The following TSC22D1 variants were observed in gnomAD, a reference collection of about 807,000 sequenced individuals.
TSC22D1 encodes TSC22 domain family protein 1.
Under a neutral mutation model 74.2 loss-of-function variants are expected in TSC22D1, and 9 were observed. That is an observed-to-expected ratio of 0.12 (90% CI 0.07 to 0.21). The LOEUF (loss-of-function observed/expected upper bound fraction) is 0.21. Ranked by LOEUF, TSC22D1 falls within the 10% of genes least tolerant of loss-of-function variation. The pLI, the probability that TSC22D1 is intolerant of heterozygous loss-of-function variation, is 1.00. For missense variants in TSC22D1, 1,427 were observed against 1,304.7 expected (o/e 1.09, Z -1.44); for synonymous variants, 586 against 492.5 (o/e 1.19, Z -2.51).
intron 1 of TSC22D1, among the ~76,000 whole-genome samples, chr13:44,438,695 A>C (rs956646628): frequency 6.6e-6 from 1 of 150,868 alleles, no homozygotes; most frequent in Non-Finnish European, 1.5e-5. Flanking sequence ...ATGATGCTTT[A>C]AAAAAAAAGA....
chr13:44,486,673 T>C (rs937802765), intron 1 of TSC22D1, among the ~76,000 whole-genome samples: 2 of 152,178 alleles, frequency 1.3e-5, no homozygotes, highest in African/African-American at 4.8e-5. Flanking sequence ...ACAATCTATA[T>C]AAACTGTTGA....
intron 1 of TSC22D1, among the ~76,000 whole-genome samples, chr13:44,566,660 T>G (rs1883394814): frequency 6.6e-6 from 1 of 152,134 alleles, no homozygotes; most frequent in Non-Finnish European, 1.5e-5. Context: ...TTTTCACTCC[T>G]TCCCTAAAAC....
intron 1 of TSC22D1, among the ~76,000 whole-genome samples, chr13:44,543,252 G>A (rs907884432): frequency 1.3e-5 from 2 of 152,060 alleles, no homozygotes; most frequent in Admixed American, 6.5e-5. Flanking sequence ...TATGAAATGA[G>A]CATACACAGC....
chr13:44,517,140 T>C (rs1185893185), intron 1 of TSC22D1, among the ~76,000 whole-genome samples: 1 of 152,198 alleles, frequency 6.6e-6, no homozygotes, highest in Non-Finnish European at 1.5e-5. Context: ...TTGATCTAGA[T>C]TATATGTGTG....
chr13:44,559,604 A>T (rs1441291799), intron 1 of TSC22D1, among the ~76,000 whole-genome samples: 1 of 151,996 alleles, frequency 6.6e-6, no homozygotes, highest in Admixed American at 6.6e-5. Flanking sequence ...AGCTCACTGC[A>T]GCCTCGAACT....
At chr13:44,506,783 G>A (rs1014833993) in intron 1 of TSC22D1, among the ~76,000 whole-genome samples, 9 of 152,210 alleles carry the variant, frequency 5.9e-5, no homozygotes, top group African/African-American at 2.2e-4. Flanking sequence ...CCAGTAAGGT[G>A]TCTCCACAGA....
intron 1 of TSC22D1, among the ~76,000 whole-genome samples, chr13:44,530,332 G>T (rs1319477809): frequency 1.3e-5 from 2 of 152,010 alleles, no homozygotes; most frequent in African/African-American, 4.8e-5. Context: ...TGGAACAACT[G>T]GACATCATAT....
intron 1 of TSC22D1, among the ~76,000 whole-genome samples, chr13:44,508,409 A>C (rs1879534698): frequency 6.6e-6 from 1 of 152,126 alleles, no homozygotes; most frequent in South Asian, 2.1e-4. Context: ...CCATGGAGTA[A>C]ACTTGGCCAG....
rs1884061136 is a variant in TSC22D1, at chr13:44,574,578, C to T, written c.1497G>A (p.Gln499=). The T allele has an allele frequency of 6.2e-7, 1 of 1,613,944 alleles. No homozygotes were observed. Among genetic ancestry groups the T allele is most frequent in the Non-Finnish European group, 8.5e-7 (1 of 1,179,972 alleles). Residue 499 remains glutamine (Q), a synonymous_variant, in exon 1 of 3, where the codon CAG becomes CAA. Coordinates refer to ENST00000458659, the MANE Select transcript of TSC22D1 (RefSeq NM_183422.4). ...MGAPTVVVQQ[Q]QQQQQQQQQQ... is the part of the protein sequence containing the mutation. The stretch of plus-strand genomic sequence containing the variant: ...GCTGTTGTTGTTGTTGTTGCTGCTG[C>T]TGCTGCTGCACCACCACAGTAGGGG...
At chr13:44,457,745 C>G (rs1807696499) in intron 1 of TSC22D1, among the ~76,000 whole-genome samples, 1 of 150,904 alleles carries the variant, frequency 6.6e-6, no homozygotes, top group Admixed American at 6.6e-5. Context: ...TCCTTTTGTG[C>G]TAGCAGTGGC....
chr13:44,552,018 T>C (rs1882315415), intron 1 of TSC22D1, among the ~76,000 whole-genome samples: 1 of 152,218 alleles, frequency 6.6e-6, no homozygotes, highest in Non-Finnish European at 1.5e-5. Flanking sequence ...AGGTGCATTA[T>C]ACACCTCTCT....
intron 1 of TSC22D1, chr13:44,538,528 C>A: frequency 1.0e-6 from 1 of 985,322 alleles, no homozygotes; most frequent in Non-Finnish European, 1.2e-6. Flanking sequence ...TTAAATGAAA[C>A]AGATACAGAG....
chr13:44,574,708 A>G lies in TSC22D1; in HGVS notation c.1367T>C (p.Ile456Thr). The G allele has an allele frequency of 6.2e-7, 1 of 1,614,124 alleles. No individual in the cohort carries two copies. Among genetic ancestry groups the G allele is most frequent in the South Asian group, 1.1e-5 (1 of 91,082 alleles). ...KVVETVKQNP[I>T]EVTSERESTS... Reference sequence around the variant, plus strand: ...GCTCTCCCTTTCAGAAGTCACTTCTATCGGATTTTGCTTTACAGTCTCCAC... The same window carrying G: ...GCTCTCCCTTTCAGAAGTCACTTCTGTCGGATTTTGCTTTACAGTCTCCAC... Residue 456 changes from isoleucine to threonine, a missense_variant, in exon 1 of 3, where the codon ATA becomes ACA. By Grantham distance (89) the Ile-to-Thr change is moderately conservative (BLOSUM62 -1). This residue lies in a region of TSC22D1 where 1,343 missense variants were observed against 1,191.5 expected (regional missense o/e 1.13). Transcript: ENST00000458659.
chr13:44,488,934 G>A (rs1878575476), intron 1 of TSC22D1, among the ~76,000 whole-genome samples: 2 of 152,028 alleles, frequency 1.3e-5, no homozygotes, highest in Admixed American at 6.5e-5. Flanking sequence ...AGTTTTATGA[G>A]GAACCATAAA....
intron 1 of TSC22D1, among the ~76,000 whole-genome samples, chr13:44,494,559 AAAAAAAT>A (rs1435203451): frequency 3.3e-5 from 5 of 151,740 alleles, no homozygotes; most frequent in Admixed American, 6.6e-5. Flanking sequence ...CCCCATCTCA[AAAAAAAT>A]AAAAAATAAA....
intron 1 of TSC22D1, among the ~76,000 whole-genome samples, chr13:44,476,293 C>T (rs1210178326): frequency 6.6e-6 from 1 of 151,706 alleles, no homozygotes; most frequent in Non-Finnish European, 1.5e-5. Context: ...GTGTTGTGTC[C>T]AGGAATTTAA....
At chr13:44,521,047 A>C (rs2138039799) in intron 1 of TSC22D1, among the ~76,000 whole-genome samples, 1 of 152,272 alleles carries the variant, frequency 6.6e-6, no homozygotes, top group Middle Eastern at 3.4e-3. Context: ...GGTGAGTGGC[A>C]GTGCTGGATA....
At chr13:44,519,309 T>C (rs1034393951) in intron 1 of TSC22D1, among the ~76,000 whole-genome samples, 1 of 152,160 alleles carries the variant, frequency 6.6e-6, no homozygotes, top group Non-Finnish European at 1.5e-5. Context: ...AAATTCAATG[T>C]ATGAAGGGTA....
At chr13:44,539,875 T>G in intron 1 of TSC22D1, 1 of 1,289,712 alleles carries the variant, frequency 7.8e-7, no homozygotes, top group Non-Finnish European at 1.0e-6. Flanking sequence ...GTCTTGGCTG[T>G]ATCTGTGGTT....
Sources: allele counts gnomAD v4.1 joint callset (sites outside exome capture counted in the v4.1 genomes callset), GRCh38; gene constraint gnomAD v4.1.1; regional missense constraint gnomAD v4.1.1; transcripts MANE v1.5; gene names NCBI Gene and HGNC (gene_info 2026-07-23, HGNC 2026-07-21).